Variants in EDA observed in about 807,000 individuals in gnomAD.
The protein encoded by EDA is ectodysplasin-A.
EDA carries 2 observed loss-of-function variants against 23.6 expected under a neutral mutation model. That is an observed-to-expected ratio of 0.08 (90% CI 0.03 to 0.27). The LOEUF is 0.27. Among genes scored for constraint, EDA ranks in the 10% least tolerant of loss-of-function variants. The pLI is 1.00. For synonymous variants in EDA, 131 were observed against 132.0 expected (o/e 0.99, Z 0.05); for missense variants, 229 against 324.2 (o/e 0.71, Z 2.26).
At chrX:69,616,997 G>A (rs764469559) in intron 1 of EDA, 18 of 419,166 alleles carry the variant, frequency 4.3e-5, no homozygotes, top group African/African-American at 3.8e-4. Context: ...TCGAGGAGGT[G>A]CCTGCGCTGC....
chrX:69,620,854 G>A (rs767505829), intron 1 of EDA: 5 of 376,389 alleles, frequency 1.3e-5, no homozygotes, highest in Non-Finnish European at 2.6e-5. Context: ...GGACTTTGGA[G>A]GTGTTTATGT....
intron 1 of EDA, among the ~76,000 whole-genome samples, chrX:69,826,449 T>A (rs199853156): frequency 0.27 from 25,762 of 96,974 alleles, 2,546 homozygotes; most frequent in African/African-American, 0.3. Flanking sequence ...TTGACCATTA[T>A]GTAATGGCCT....
chrX:69,680,110 T>C lies in EDA; in HGVS notation c.396+63406T>C, dbSNP rs1175876490. 2.2e-4 allele frequency among the ~76,000 whole-genome samples: 24 copies of C among 108,457 alleles called. No homozygotes were observed. In the Admixed American group the frequency reaches 2.4e-3, roughly 11 times the overall value. The allele number at this position is 108,457 out of a possible 115,157, so 94.2% of individuals were successfully genotyped here. ...AGTCATTCAGGAGCAGGTTGTTCAGTTTCCATGTAGTTGAGCGGTTTTGAG... is the reference window on the plus strand; with the variant it reads ...AGTCATTCAGGAGCAGGTTGTTCAGCTTCCATGTAGTTGAGCGGTTTTGAG... On this transcript the variant is annotated intron_variant, in intron 1 of 7. Transcript: ENST00000374552.
intron 1 of EDA, among the ~76,000 whole-genome samples, chrX:69,717,784 G>T (rs2012405879): frequency 9.0e-6 from 1 of 111,499 alleles, no homozygotes; most frequent in African/African-American, 3.3e-5. Flanking sequence ...CTCCCAAAGT[G>T]CTGGGATTAC....
intron 1 of EDA, among the ~76,000 whole-genome samples, chrX:69,733,451 G>A (rs1177234356): frequency 7.2e-5 from 8 of 111,274 alleles, no homozygotes; most frequent in Non-Finnish European, 1.1e-4. Context: ...GTTCTATTCC[G>A]TTGGTCTATA....
intron 1 of EDA, among the ~76,000 whole-genome samples, chrX:69,729,877 A>T (rs1011917202): frequency 1.8e-5 from 2 of 111,377 alleles, no homozygotes; most frequent in African/African-American, 6.5e-5. Context: ...TCTCTCTTCA[A>T]ATCTCAAGCA....
intron 2 of EDA, among the ~76,000 whole-genome samples, chrX:70,021,685 G>A (rs184605541): frequency 5.9e-4 from 66 of 112,076 alleles, no homozygotes; most frequent in Non-Finnish European, 9.2e-4. Flanking sequence ...AAGGAAAAGA[G>A]AATTGAGATT....
At chrX:69,841,480 A>T (rs1018347) in intron 1 of EDA, among the ~76,000 whole-genome samples, 25,863 of 110,757 alleles carry the variant, frequency 0.23, 2,341 homozygotes, top group African/African-American at 0.31. Flanking sequence ...CCTGGACTAC[A>T]GGCACATACC....
chrX:69,701,240 C>A (rs981381372), intron 1 of EDA, among the ~76,000 whole-genome samples: 2 of 111,306 alleles, frequency 1.8e-5, no homozygotes, highest in African/African-American at 3.3e-5. Context: ...CTGATGAGAT[C>A]TCAGTAGGAG....
At chrX:69,933,000 A>T (rs756735662) in intron 1 of EDA, among the ~76,000 whole-genome samples, 104 of 110,031 alleles carry the variant, frequency 9.5e-4, no homozygotes, top group Non-Finnish European at 1.8e-3. Context: ...TATAGACAGT[A>T]TCTCTTAGTT....
In EDA at chrX:69,951,883, C is replaced by T. The variant is rs763371048; in HGVS notation, c.397-5144C>T. Reference sequence around the variant, plus strand: ...GTGTAAAGAATTAGATTTTTTTCCCCCTTGAGCAAAATGCCTGGCTGTGGC... The same window carrying T: ...GTGTAAAGAATTAGATTTTTTTCCCTCTTGAGCAAAATGCCTGGCTGTGGC... On this transcript the variant is annotated intron_variant, in intron 1 of 7. Transcript: ENST00000374552. 3.6e-5 allele frequency among the ~76,000 whole-genome samples: 4 copies of T among 111,800 alleles called. No homozygotes were observed. In the South Asian group the frequency reaches 1.5e-3, roughly 42 times the overall value.
chrX:69,678,578 G>A (rs1017064850), intron 1 of EDA, among the ~76,000 whole-genome samples: 2 of 109,890 alleles, frequency 1.8e-5, no homozygotes. Flanking sequence ...TATTCTCTTT[G>A]TAGCAATTGT....
intron 1 of EDA, among the ~76,000 whole-genome samples, chrX:69,715,352 T>C (rs1283686635): frequency 9.0e-6 from 1 of 111,442 alleles, no homozygotes; most frequent in African/African-American, 3.3e-5. Context: ...TTTGGCTTTC[T>C]GTTCCTGCAT....
chrX:69,718,836 C>G (rs2012454463), intron 1 of EDA, among the ~76,000 whole-genome samples: 1 of 111,512 alleles, frequency 9.0e-6, no homozygotes, highest in African/African-American at 3.3e-5. Flanking sequence ...GAAGTATTAC[C>G]TTCTTCCTAT....
At chrX:69,660,654 C>A (rs1402007538) in intron 1 of EDA, among the ~76,000 whole-genome samples, 2 of 111,222 alleles carry the variant, frequency 1.8e-5, no homozygotes, top group Non-Finnish European at 3.8e-5. Flanking sequence ...ATCCATGTCC[C>A]TACAAAGGGC....
chrX:69,978,544 T>C (rs754672238), intron 2 of EDA, among the ~76,000 whole-genome samples: 75 of 107,685 alleles, frequency 7.0e-4, no homozygotes, highest in African/African-American at 2.3e-3. Flanking sequence ...AAAGCAGCTT[T>C]CTCGAGATAT....
intron 1 of EDA, among the ~76,000 whole-genome samples, chrX:69,910,374 AGTGTGTGTGT>A (rs4007733): frequency 0.037 from 1,524 of 41,686 alleles, 54 homozygotes; most frequent in African/African-American, 0.12. Context: ...AGAGAGAGAG[AGTGTGTGTGT>A]GTGTGTGTGT....
At chrX:69,695,235 G>A (rs1223966375) in intron 1 of EDA, among the ~76,000 whole-genome samples, 1 of 109,913 alleles carries the variant, frequency 9.1e-6, no homozygotes, top group Non-Finnish European at 1.9e-5. Context: ...CAGGAGAATC[G>A]CTTGAACTTG....
At chrX:70,010,477 C>A (rs1233668461) in intron 2 of EDA, among the ~76,000 whole-genome samples, 1 of 111,993 alleles carries the variant, frequency 8.9e-6, no homozygotes, top group African/African-American at 3.2e-5. Context: ...CATCCCTATA[C>A]TTTAATCTAC....
Sources: gnomAD v4.1 joint callset for allele counts (sites outside exome capture counted in the v4.1 genomes callset) on GRCh38, gnomAD v4.1.1 for gene constraint, MANE v1.5 for transcripts, NCBI Gene and HGNC (gene_info 2026-07-23, HGNC 2026-07-21) for gene names.